Variants in CDK11B observed in about 807,000 individuals in gnomAD.
CDK11B encodes the protein cyclin dependent kinase 11B.
CDK11B carries 37 observed loss-of-function variants against 84.0 expected under a neutral mutation model. That is an observed-to-expected ratio of 0.44 (90% CI 0.34 to 0.58). The LOEUF is 0.58. Ranked by LOEUF, CDK11B falls within the 20% of genes least tolerant of loss-of-function variation. The probability of loss-of-function intolerance (pLI) is 0.02; values close to 1 mark genes in which losing one functional copy is unlikely to be tolerated. For synonymous variants in CDK11B, 269 were observed against 309.8 expected, an observed-to-expected ratio of 0.87 and a Z score of 1.38; for missense variants, 427 against 834.0, an observed-to-expected ratio of 0.51 and a Z score of 6.01.
intron 4 of CDK11B, among the ~76,000 whole-genome samples, chr1:1,651,082 C>A (rs1444567967): frequency 4.6e-5 from 7 of 152,188 alleles, no homozygotes; most frequent in Admixed American, 3.3e-4. Context: ...TATTTATAAT[C>A]ATGACATTTC....
chr1:1,651,700 C>G (rs1186487768), intron 4 of CDK11B, among the ~76,000 whole-genome samples: 3 of 148,948 alleles, frequency 2.0e-5, no homozygotes, highest in African/African-American at 7.5e-5. Context: ...CTCTCTATAG[C>G]CCCTCTGAAT....
rs763206919 is a variant in CDK11B at position 1,657,391 on chromosome 1, A to G, written c.95T>C (p.Ile32Thr). The G allele has an allele frequency of 1.2e-6, 2 of 1,607,612 alleles. No individual in the cohort carries two copies. The highest frequency in any genetic ancestry group is 1.7e-6 in the Non-Finnish European group (2 of 1,176,588). ...RRKEQEEKAE[I>T]KRLKNSDDRD... ...ATGGCTTACATTTTTTAAGCGTTTT[A>G]TCTCTGCTTTCTCCTCTTGTTCCTT... The change falls in exon 2 of 20, where the codon ATA (isoleucine) becomes ACA (threonine). Residue 32 changes from isoleucine (I) to threonine (T), a missense_variant. Around this residue, in one of 12 missense-constraint regions of CDK11B, gnomAD observed 11 missense variants for 38.0 expected, o/e 0.29. Coordinates refer to ENST00000341832, the MANE Select transcript of CDK11B (RefSeq NM_033486.3).
chr1:1,647,654 C>A (rs1358210026), intron 5 of CDK11B, among the ~76,000 whole-genome samples: 1 of 152,270 alleles, frequency 6.6e-6, no homozygotes, highest in Non-Finnish European at 1.5e-5. Flanking sequence ...TTTCACGCAG[C>A]TGCATCCTCA....
chr1:1,645,786 G>C (rs1373507796), intron 5 of CDK11B: 1 of 340,060 alleles, frequency 2.9e-6, no homozygotes, highest in East Asian at 8.1e-5. Context: ...TATCATTGCT[G>C]TATCTTCCTG....
At chr1:1,648,636 G>A (rs6691927) in intron 5 of CDK11B, among the ~76,000 whole-genome samples, 55,855 of 149,940 alleles carry the variant, frequency 0.37, 11,777 homozygotes, top group African/African-American at 0.58. Flanking sequence ...CCTGGTTCAC[G>A]GAACAGATCT....
At chr1:1,650,192 C>T (rs1557707084) in intron 4 of CDK11B, among the ~76,000 whole-genome samples, 1 of 140,432 alleles carries the variant, frequency 7.1e-6, no homozygotes, top group Non-Finnish European at 1.5e-5. Flanking sequence ...ATAGCGTGAA[C>T]CCAGGAGATG....
Position 1,636,484 on chromosome 1 carries a change from G to A in CDK11B, c.1918-3C>T. ...TTCTCACTAGGGGTCCCCAGATCCTGAAAGACAGAGGTGCTTCAACAGCCA... is the reference window on the plus strand; with the variant it reads ...TTCTCACTAGGGGTCCCCAGATCCTAAAAGACAGAGGTGCTTCAACAGCCA... On this transcript the variant is annotated splice_region_variant and splice_polypyrimidine_tract_variant and intron_variant, in intron 17 of 19. Transcript: ENST00000341832. 1 of 1,610,352 alleles carries A rather than the reference G, an allele frequency of 6.2e-7. No homozygotes were observed. The highest frequency in any genetic ancestry group is 8.5e-7 in the Non-Finnish European group (1 of 1,178,268).
chr1:1,656,118 G>C (rs1557726663), intron 2 of CDK11B, among the ~76,000 whole-genome samples: 5 of 152,132 alleles, frequency 3.3e-5, no homozygotes, highest in Admixed American at 1.3e-4. Context: ...ATCCCTTGGA[G>C]ATATTTTGGG....
intron 9 of CDK11B, among the ~76,000 whole-genome samples, chr1:1,641,407 G>A (rs1640282054): frequency 6.8e-6 from 1 of 147,892 alleles, no homozygotes; most frequent in African/African-American, 2.4e-5. Context: ...TACTTGGGAG[G>A]CTGAGGCGGG....
At chr1:1,655,039 G>A (rs757887866) in intron 3 of CDK11B, among the ~76,000 whole-genome samples, 1 of 152,012 alleles carries the variant, frequency 6.6e-6, no homozygotes, top group African/African-American at 2.4e-5. Context: ...AGCCCGCCTT[G>A]GCCTCCGAAA....
chr1:1,639,830 T>C (rs1639988499), intron 11 of CDK11B, among the ~76,000 whole-genome samples: 1 of 152,062 alleles, frequency 6.6e-6, no homozygotes, highest in Non-Finnish European at 1.5e-5. Flanking sequence ...GATAGCTGCC[T>C]AAGCAAAAGG....
intron 11 of CDK11B, among the ~76,000 whole-genome samples, chr1:1,639,905 C>T (rs1449498810): frequency 4.0e-5 from 6 of 151,718 alleles, no homozygotes; most frequent in Admixed American, 6.6e-5. Context: ...GCACAGATGC[C>T]GGTAACAAGG....
chr1:1,643,658 C>A (rs989904969), intron 6 of CDK11B, among the ~76,000 whole-genome samples: 1 of 144,658 alleles, frequency 6.9e-6, no homozygotes, highest in African/African-American at 2.8e-5. Flanking sequence ...GAAGATCCAA[C>A]AAGAAACCAG....
At chr1:1,654,384 C>T (rs923386849) in intron 3 of CDK11B, among the ~76,000 whole-genome samples, 3 of 152,150 alleles carry the variant, frequency 2.0e-5, no homozygotes, top group Non-Finnish European at 4.4e-5. Flanking sequence ...GCCCTGAAAA[C>T]CCTGATGATG....
intron 6 of CDK11B, among the ~76,000 whole-genome samples, chr1:1,643,887 C>G (rs1640619635): frequency 7.0e-6 from 1 of 142,650 alleles, no homozygotes; most frequent in Non-Finnish European, 1.5e-5. Context: ...CTGTGGGAGC[C>G]CAGGAGGGAG....
intron 1 of CDK11B, among the ~76,000 whole-genome samples, chr1:1,657,873 C>A (rs1443067728): frequency 2.3e-5 from 3 of 129,182 alleles, no homozygotes; most frequent in Middle Eastern, 3.6e-3. Flanking sequence ...CCACTGCACT[C>A]CAGCCTAGAT....
At chr1:1,651,134 C>A (rs1375880393) in intron 4 of CDK11B, among the ~76,000 whole-genome samples, 28 of 152,180 alleles carry the variant, frequency 1.8e-4, no homozygotes, top group African/African-American at 6.5e-4. Context: ...CCGTAAGAAC[C>A]TCCTGATGTT....
chr1:1,653,148 A>G (rs77522176), intron 3 of CDK11B, among the ~76,000 whole-genome samples: 5 of 149,818 alleles, frequency 3.3e-5, no homozygotes, highest in Non-Finnish European at 7.4e-5. Context: ...CCTCTGCCTA[A>G]GGAGTAGCTG....
intron 4 of CDK11B, among the ~76,000 whole-genome samples, chr1:1,651,231 T>C (rs1641962153): frequency 6.6e-6 from 1 of 152,232 alleles, no homozygotes; most frequent in Non-Finnish European, 1.5e-5. Flanking sequence ...CCTATACTTG[T>C]TGAATTCAGG....
Sources: gnomAD v4.1 joint callset for allele counts (sites outside exome capture counted in the v4.1 genomes callset) on GRCh38, gnomAD v4.1.1 for gene constraint, gnomAD v4.1.1 regional missense constraint, MANE v1.5 for transcripts, NCBI Gene and HGNC (gene_info 2026-07-23, HGNC 2026-07-21) for gene names.